KCNT2: variants seen among roughly 807,000 people sequenced by gnomAD.
The protein encoded by KCNT2 is potassium sodium-activated channel subfamily T member 2.
Under a neutral mutation model 153.8 loss-of-function variants are expected in KCNT2, and 67 were observed. The ratio of observed to expected loss-of-function variants is 0.44; its 90% CI spans 0.36 to 0.53. The LOEUF is 0.53. Among genes scored for constraint, KCNT2 ranks in the 20% least tolerant of loss-of-function variants. The pLI is 0.00. For synonymous variants in KCNT2, 500 were observed against 458.8 expected (o/e 1.09, Z -1.15); for missense variants, 975 against 1,354.8 (o/e 0.72, Z 4.40).
At position 196,514,975 on chromosome 1, in the gene KCNT2, A is replaced by G. The variant is rs550735069; in HGVS notation, c.96-22634T>C. Among the ~76,000 whole-genome samples, 3 of 152,294 alleles carry G rather than the reference A, an allele frequency of 2.0e-5. No individual in the cohort carries two copies. In the East Asian group the frequency reaches 5.8e-4, roughly 29 times the overall value. ...AAATAACAAATGAAACAAACCCACAACAGATGAGTTCTAGACATTCTAGAC... is the reference window on the plus strand; with the variant it reads ...AAATAACAAATGAAACAAACCCACAGCAGATGAGTTCTAGACATTCTAGAC... On this transcript the variant is annotated intron_variant, in intron 1 of 27. Coordinates refer to ENST00000294725, the MANE Select transcript of KCNT2 (RefSeq NM_198503.5).
intron 19 of KCNT2, among the ~76,000 whole-genome samples, chr1:196,320,186 A>G (rs1572026317): frequency 1.3e-5 from 2 of 151,920 alleles, no homozygotes; most frequent in African/African-American, 4.8e-5. Flanking sequence ...GTCTTTACTT[A>G]TATACATATT....
chr1:196,319,138 C>G (rs190578286), intron 20 of KCNT2, among the ~76,000 whole-genome samples: 5 of 151,772 alleles, frequency 3.3e-5, no homozygotes, highest in African/African-American at 1.2e-4. Flanking sequence ...CAGAAGTTAT[C>G]GTAACGCTAT....
intron 14 of KCNT2, among the ~76,000 whole-genome samples, chr1:196,372,771 T>G (rs918885971): frequency 2.6e-5 from 4 of 151,944 alleles, no homozygotes. Flanking sequence ...CTTTAAGTTC[T>G]TATACTAATA....
intron 26 of KCNT2, among the ~76,000 whole-genome samples, chr1:196,246,106 G>T (rs80201265): frequency 0.022 from 3,298 of 152,160 alleles, 104 homozygotes; most frequent in African/African-American, 0.075. Context: ...CAAGAGAAAA[G>T]AAACAACATA....
chr1:196,395,392 T>G (rs1670849129), intron 13 of KCNT2, among the ~76,000 whole-genome samples: 1 of 151,634 alleles, frequency 6.6e-6, no homozygotes, highest in Non-Finnish European at 1.5e-5. Flanking sequence ...AGAGCCCAGT[T>G]AGTTTTCCTC....
At chr1:196,505,149 A>C (rs1283391909) in intron 1 of KCNT2, among the ~76,000 whole-genome samples, 1 of 152,098 alleles carries the variant, frequency 6.6e-6, no homozygotes, top group Non-Finnish European at 1.5e-5. Context: ...GTAGACATGA[A>C]GTCCTTGCTC....
At chr1:196,472,778 A>G (rs1430547584) in intron 5 of KCNT2, among the ~76,000 whole-genome samples, 4 of 152,206 alleles carry the variant, frequency 2.6e-5, no homozygotes, top group Admixed American at 2.6e-4. Flanking sequence ...ATTTGTAAAT[A>G]GATCTTGAGA....
At chr1:196,457,108 T>C (rs1341280638) in intron 8 of KCNT2, among the ~76,000 whole-genome samples, 1 of 151,900 alleles carries the variant, frequency 6.6e-6, no homozygotes, top group African/African-American at 2.4e-5. Flanking sequence ...CACATTATTA[T>C]GTACTTTCTC....
chr1:196,543,197 G>T (rs190285337), intron 1 of KCNT2, among the ~76,000 whole-genome samples: 33 of 152,228 alleles, frequency 2.2e-4, no homozygotes, highest in Admixed American at 1.7e-3. Flanking sequence ...TTTTGCTCAT[G>T]ATTTAATTTG....
intron 8 of KCNT2, among the ~76,000 whole-genome samples, chr1:196,445,456 T>A (rs1355914253): frequency 6.6e-6 from 1 of 151,408 alleles, no homozygotes; most frequent in Non-Finnish European, 1.5e-5. Context: ...ATGTAACCAT[T>A]AAAAATAAAA....
At chr1:196,428,869 A>G (rs1673884471) in intron 9 of KCNT2, among the ~76,000 whole-genome samples, 1 of 152,116 alleles carries the variant, frequency 6.6e-6, no homozygotes, top group South Asian at 2.1e-4. Flanking sequence ...CTGCCCACAC[A>G]TGGGCAGCCA....
At chr1:196,555,052 G>T (rs1175598232) in intron 1 of KCNT2, among the ~76,000 whole-genome samples, 1 of 151,086 alleles carries the variant, frequency 6.6e-6, no homozygotes, top group Non-Finnish European at 1.5e-5. Context: ...GAAAAAAACT[G>T]GCAACCTTTC....
intron 3 of KCNT2, among the ~76,000 whole-genome samples, chr1:196,487,538 C>CA (rs1227996484): frequency 6.6e-6 from 1 of 151,108 alleles, no homozygotes; most frequent in East Asian, 1.9e-4. Context: ...CTCCAGTAAA[C>CA]AAAAAAATGC....
intron 1 of KCNT2, among the ~76,000 whole-genome samples, chr1:196,536,882 G>C (rs558007982): frequency 6.6e-6 from 1 of 152,230 alleles, no homozygotes; most frequent in Non-Finnish European, 1.5e-5. Context: ...GATGACTGTA[G>C]CCCATCCTGC....
In KCNT2 at chr1:196,247,081, G is replaced by A. The variant is rs976804615; in HGVS notation, c.3212-11011C>T. Among the ~76,000 whole-genome samples the A allele has an allele frequency of 4.0e-5, 6 of 151,894 alleles. No individual in the cohort carries two copies. In the South Asian group the frequency reaches 1.2e-3, roughly 32 times the overall value. On this transcript the variant is annotated intron_variant, in intron 26 of 27. Coordinates refer to ENST00000294725, the MANE Select transcript of KCNT2 (RefSeq NM_198503.5). Reference sequence around the variant, plus strand: ...AAAGACACACATAGACTGAAAAAAAGGTATGGAAAAAGACATTCCATGCCA... The same window carrying A: ...AAAGACACACATAGACTGAAAAAAAAGTATGGAAAAAGACATTCCATGCCA...
At chr1:196,532,073 T>C (rs569970297) in intron 1 of KCNT2, among the ~76,000 whole-genome samples, 1 of 152,202 alleles carries the variant, frequency 6.6e-6, no homozygotes, top group East Asian at 1.9e-4. Context: ...ATCAGTCTTT[T>C]TCCATCTTAG....
At chr1:196,380,376 C>A (rs1235722406) in intron 13 of KCNT2, among the ~76,000 whole-genome samples, 1 of 152,178 alleles carries the variant, frequency 6.6e-6, no homozygotes, top group Non-Finnish European at 1.5e-5. Context: ...AAATTGTCTT[C>A]AAGTCCCTTT....
In KCNT2 at chr1:196,364,932, A is replaced by G. The variant is rs549774456; in HGVS notation, c.1403+8208T>C. Among the ~76,000 whole-genome samples the G allele has an allele frequency of 3.3e-5, 5 of 152,180 alleles. 1 individual carries two copies. In the South Asian group the frequency reaches 1.0e-3, roughly 32 times the overall value. ...TACAATGTTGCAACTTTTTAAAATT[A>G]ATTCTGCGCCATGTAAAAGCAAATT... On this transcript the variant is annotated intron_variant, in intron 14 of 27. Transcript: ENST00000294725.
chr1:196,297,268 T>C (rs932188187), intron 22 of KCNT2, among the ~76,000 whole-genome samples: 11 of 152,150 alleles, frequency 7.2e-5, no homozygotes, highest in Admixed American at 1.3e-4. Context: ...ATTACCACAT[T>C]CTAATAATTT....
Sources: allele counts gnomAD v4.1 joint callset (sites outside exome capture counted in the v4.1 genomes callset), GRCh38; gene constraint gnomAD v4.1.1; transcripts MANE v1.5; gene names NCBI Gene and HGNC (gene_info 2026-07-23, HGNC 2026-07-21).